The following EIF4G3 variants were observed in gnomAD, a reference collection of about 807,000 sequenced individuals.
The protein encoded by EIF4G3 is eukaryotic translation initiation factor 4 gamma 3.
EIF4G3 carries 34 observed loss-of-function variants against 186.4 expected under a neutral mutation model. That is an observed-to-expected ratio of 0.18 (90% CI 0.14 to 0.24). The LOEUF is 0.24. Ranked by LOEUF, EIF4G3 falls within the 10% of genes least tolerant of loss-of-function variation. EIF4G3 has a pLI of 1.00. For synonymous variants in EIF4G3, 673 were observed against 679.5 expected, an observed-to-expected ratio of 0.99 and a Z score of 0.15; for missense variants, 1,536 against 1,948.5, an observed-to-expected ratio of 0.79 and a Z score of 3.99.
At chr1:20,851,790 G>C (rs908608920) in intron 27 of EIF4G3, among the ~76,000 whole-genome samples, 3 of 152,026 alleles carry the variant, frequency 2.0e-5, no homozygotes, top group Admixed American at 6.6e-5. Context: ...GGCCGAGCAG[G>C]GCAGATTACT....
intron 23 of EIF4G3, among the ~76,000 whole-genome samples, chr1:20,861,723 C>T (rs1001093464): frequency 2.0e-5 from 3 of 152,184 alleles, no homozygotes; most frequent in African/African-American, 7.2e-5. Context: ...CCTGTAATCC[C>T]AGCACTTTGG....
intron 2 of EIF4G3, among the ~76,000 whole-genome samples, chr1:21,151,720 TAAAA>T (rs11289703): frequency 6.7e-6 from 1 of 149,564 alleles, no homozygotes; most frequent in African/African-American, 2.5e-5. Flanking sequence ...TTGTATTAAA[TAAAA>T]AAAAAAACAG....
At chr1:20,829,760 C>T (rs1427645746) in intron 30 of EIF4G3, among the ~76,000 whole-genome samples, 2 of 152,160 alleles carry the variant, frequency 1.3e-5, no homozygotes, top group Non-Finnish European at 2.9e-5. Context: ...GGGGAAAAAA[C>T]TGGATGGATA....
intron 14 of EIF4G3, among the ~76,000 whole-genome samples, chr1:20,908,415 C>T (rs1047807739): frequency 6.6e-6 from 1 of 152,032 alleles, no homozygotes; most frequent in African/African-American, 2.4e-5. Flanking sequence ...AATCATTGGG[C>T]TTTAGGGAGA....
intron 4 of EIF4G3, among the ~76,000 whole-genome samples, chr1:21,009,996 C>A (rs560613803): frequency 4.9e-4 from 75 of 152,180 alleles, no homozygotes; most frequent in African/African-American, 1.7e-3. Flanking sequence ...GCAAATAGAA[C>A]TTTCTGGGAT....
intron 30 of EIF4G3, among the ~76,000 whole-genome samples, chr1:20,835,479 C>T (rs900315242): frequency 6.6e-6 from 1 of 151,726 alleles, no homozygotes; most frequent in African/African-American, 2.4e-5. Flanking sequence ...ATCAAGAAAC[C>T]CTTATCTAGA....
intron 4 of EIF4G3, among the ~76,000 whole-genome samples, chr1:21,045,228 T>C (rs2093812364): frequency 6.6e-6 from 1 of 152,062 alleles, no homozygotes; most frequent in African/African-American, 2.4e-5. Flanking sequence ...AAAACAAGAT[T>C]CCCGGAAGCT....
At chr1:20,856,836 C>T (rs1419103852) in intron 25 of EIF4G3, among the ~76,000 whole-genome samples, 2 of 152,100 alleles carry the variant, frequency 1.3e-5, no homozygotes, top group Non-Finnish European at 2.9e-5. Context: ...TAAGAAGTAA[C>T]CTAGTCTTTT....
chr1:21,140,310 G>A (rs1201799687), intron 2 of EIF4G3, among the ~76,000 whole-genome samples: 1 of 152,076 alleles, frequency 6.6e-6, no homozygotes, highest in Non-Finnish European at 1.5e-5. Flanking sequence ...AGTAGCATGG[G>A]CAAATTTTTT....
At chr1:20,966,574 C>A (rs969184060) in intron 12 of EIF4G3, among the ~76,000 whole-genome samples, 7 of 151,520 alleles carry the variant, frequency 4.6e-5, no homozygotes, top group South Asian at 2.1e-4. Flanking sequence ...CGGGTTCAAG[C>A]GATTCTCCTG....
At chr1:21,083,762 T>C (rs1270053010) in intron 3 of EIF4G3, among the ~76,000 whole-genome samples, 2 of 152,248 alleles carry the variant, frequency 1.3e-5, no homozygotes, top group African/African-American at 2.4e-5. Flanking sequence ...ACAGGCAGTG[T>C]GCTGTTGCTC....
intron 4 of EIF4G3, among the ~76,000 whole-genome samples, chr1:21,008,521 T>A (rs1054587316): frequency 6.6e-6 from 1 of 152,108 alleles, no homozygotes; most frequent in Non-Finnish European, 1.5e-5. Flanking sequence ...ATATTTTTAG[T>A]ACAGATGGGG....
intron 36 of EIF4G3, 144 bp from the exon 37 acceptor site, chr1:20,807,644 CTT>C: frequency 1.6e-6 from 1 of 634,432 alleles, no homozygotes; most frequent in Non-Finnish European, 2.4e-6. Flanking sequence ...CATACTTGCT[CTT>C]GACAGTATAA....
At chr1:20,872,069 T>A (rs1183738419) in intron 20 of EIF4G3, among the ~76,000 whole-genome samples, 2 of 152,078 alleles carry the variant, frequency 1.3e-5, no homozygotes, top group Non-Finnish European at 2.9e-5. Flanking sequence ...AATCTTACCA[T>A]TTTGCCATAT....
chr1:20,939,917 C>T (rs1012770151), intron 14 of EIF4G3, among the ~76,000 whole-genome samples: 3 of 145,372 alleles, frequency 2.1e-5, no homozygotes, highest in Admixed American at 7.1e-5. Context: ...TGTGGCGGCA[C>T]GATCTTGGCT....
At chr1:20,937,983 C>T (rs1018171960) in intron 14 of EIF4G3, among the ~76,000 whole-genome samples, 1 of 150,924 alleles carries the variant, frequency 6.6e-6, no homozygotes, top group African/African-American at 2.4e-5. Context: ...GTTCTTCAAT[C>T]CGAAAACAAC....
chr1:20,994,268 A>C (rs12741908), intron 7 of EIF4G3, among the ~76,000 whole-genome samples: 4,177 of 152,152 alleles, frequency 0.027, 87 homozygotes, highest in Non-Finnish European at 0.038. Flanking sequence ...AAAATAGCAA[A>C]CTCTTTCTAA....
chr1:21,002,570 AT>A, intron 5 of EIF4G3, 142 bp downstream of exon 5: 1 of 777,068 alleles, frequency 1.3e-6, no homozygotes, highest in East Asian at 2.8e-5. Context: ...AAGCTAACAA[AT>A]AATAGTAGGA....
At chr1:20,886,455 G>A (rs1385727117) in intron 18 of EIF4G3, 84 bp from the exon 19 acceptor site, 25 of 1,300,574 alleles carry the variant, frequency 1.9e-5, no homozygotes, top group Admixed American at 4.6e-5. Context: ...TGATGACTAC[G>A]CCAAGCAATG....
Sources: gnomAD v4.1 joint callset for allele counts (sites outside exome capture counted in the v4.1 genomes callset) on GRCh38, gnomAD v4.1.1 for gene constraint, MANE v1.5 for transcripts, NCBI Gene and HGNC (gene_info 2026-07-23, HGNC 2026-07-21) for gene names.